The following MDGA2 variants were observed in gnomAD, a reference collection of about 807,000 sequenced individuals.
MDGA2 encodes the protein MAM domain-containing glycosylphosphatidylinositol anchor protein 2.
Under a neutral mutation model 117.8 loss-of-function variants are expected in MDGA2, and 40 were observed. That is an observed-to-expected ratio of 0.34 (90% CI 0.26 to 0.44). The LOEUF (loss-of-function observed/expected upper bound fraction) is 0.44. Among genes scored for constraint, MDGA2 ranks in the 20% least tolerant of loss-of-function variants. The pLI, the probability that MDGA2 is intolerant of heterozygous loss-of-function variation, is 1.00. For synonymous variants in MDGA2, 452 were observed against 439.0 expected (o/e 1.03, Z -0.37); for missense variants, 1,123 against 1,250.6 (o/e 0.90, Z 1.54).
chr14:46,867,431 T>C (rs1881818139), intron 14 of MDGA2, among the ~76,000 whole-genome samples: 1 of 152,004 alleles, frequency 6.6e-6, no homozygotes, highest in Non-Finnish European at 1.5e-5. Context: ...CTGGGAGATA[T>C]ACCTAATGCT....
intron 1 of MDGA2, among the ~76,000 whole-genome samples, chr14:47,480,543 C>T (rs1031671204): frequency 2.0e-5 from 3 of 151,728 alleles, no homozygotes; most frequent in Non-Finnish European, 4.4e-5. Flanking sequence ...CATATTTTTT[C>T]CTATTAAAAT....
At chr14:47,437,226 G>T (rs7154484) in intron 1 of MDGA2, among the ~76,000 whole-genome samples, 37,114 of 151,888 alleles carry the variant, frequency 0.24, 4,821 homozygotes, top group Middle Eastern at 0.41. Context: ...TGGACAACTA[G>T]CATTCAGATT....
intron 3 of MDGA2, chr14:47,200,696 G>T: frequency 2.1e-6 from 2 of 972,836 alleles, no homozygotes; most frequent in East Asian, 2.5e-5. Flanking sequence ...CTGGATCTTG[G>T]CCTTCTCCTT....
intron 2 of MDGA2, among the ~76,000 whole-genome samples, chr14:47,291,788 G>A (rs968489205): frequency 6.6e-6 from 1 of 152,136 alleles, no homozygotes; most frequent in African/African-American, 2.4e-5. Context: ...TATGACTTTT[G>A]CACCATTGTA....
chr14:46,903,424 T>C (rs1208421983), intron 10 of MDGA2, among the ~76,000 whole-genome samples: 2 of 152,222 alleles, frequency 1.3e-5, no homozygotes, highest in African/African-American at 4.8e-5. Context: ...GTTACTTATA[T>C]ACCTTGACTT....
At chr14:47,371,332 CTACT>C (rs1891354380) in intron 1 of MDGA2, among the ~76,000 whole-genome samples, 1 of 151,738 alleles carries the variant, frequency 6.6e-6, no homozygotes. Flanking sequence ...ACCTAAAGTA[CTACT>C]TAAAGTCTCA....
chr14:47,557,274 A>T (rs1895702517), intron 1 of MDGA2, among the ~76,000 whole-genome samples: 1 of 152,206 alleles, frequency 6.6e-6, no homozygotes, highest in Non-Finnish European at 1.5e-5. Flanking sequence ...TGGAAGTAAA[A>T]TTTACAGAAC....
At chr14:47,005,013 A>T (rs182751299) in intron 8 of MDGA2, among the ~76,000 whole-genome samples, 67 of 151,710 alleles carry the variant, frequency 4.4e-4, no homozygotes, top group Admixed American at 1.3e-3. Context: ...TGTAGATTCC[A>T]TTGTATTATT....
intron 8 of MDGA2, among the ~76,000 whole-genome samples, chr14:46,973,315 G>C (rs1184639526): frequency 6.6e-6 from 1 of 152,132 alleles, no homozygotes; most frequent in Non-Finnish European, 1.5e-5. Flanking sequence ...CAACCAACAT[G>C]ACAGTGCAGT....
At chr14:47,597,634 A>G (rs1365234629) in intron 1 of MDGA2, among the ~76,000 whole-genome samples, 1 of 152,118 alleles carries the variant, frequency 6.6e-6, no homozygotes, top group Non-Finnish European at 1.5e-5. Flanking sequence ...TGACAAGTTT[A>G]TAGTCATTTG....
At position 47,378,325 on chromosome 14, in the gene MDGA2, C is replaced by T. The variant is rs147167829; in HGVS notation, c.281-76775G>A. On this transcript the variant is annotated intron_variant, in intron 1 of 16. Transcript: ENST00000399232. The stretch of plus-strand genomic sequence containing the variant: ...CCTCTTCTTCTCCAAAGGAACGCAG[C>T]TCCTTGCCAGCAATGGAACAAAGCT... Among the ~76,000 whole-genome samples the T allele has an allele frequency of 1.3e-4, 20 of 152,290 alleles. No homozygotes were observed. In the East Asian group the frequency reaches 2.3e-3, roughly 18 times the overall value.
rs1490608252 is a variant in MDGA2, at chr14:47,305,863, G to A, written c.281-4313C>T. On this transcript the variant is annotated intron_variant, in intron 1 of 16. Coordinates refer to ENST00000399232, the MANE Select transcript of MDGA2 (RefSeq NM_001113498.3). ...AAGCAGACGATAGCTAAATCTGCCT[G>A]GGGGAGTCTAACAAGTTTCGCAAAG... 2.0e-5 allele frequency among the ~76,000 whole-genome samples: 3 copies of A among 152,152 alleles called. No individual in the cohort carries two copies. In the East Asian group the frequency reaches 5.8e-4, roughly 29 times the overall value.
chr14:47,297,835 T>G (rs1889129782), intron 2 of MDGA2, among the ~76,000 whole-genome samples: 1 of 152,146 alleles, frequency 6.6e-6, no homozygotes, highest in Non-Finnish European at 1.5e-5. Flanking sequence ...CTAAAACCAT[T>G]TTTAAAATCT....
chr14:46,882,057 C>T lies in MDGA2; in HGVS notation c.2403G>A (p.Val801=), dbSNP rs1247380797. Residue 801 remains valine (V), a synonymous_variant, in exon 11 of 17, where the codon GTG becomes GTA. Coordinates refer to ENST00000399232, the MANE Select transcript of MDGA2 (RefSeq NM_001113498.3). ...KFGEGDSTIR[V]IKYSAPVNPH... The stretch of plus-strand genomic sequence containing the variant: ...AAGGCTACTTACCACTATATTTGAT[C>T]ACACGAATTGTTGAATCTCCTTCAC... The T allele has an allele frequency of 6.2e-7, 1 of 1,602,818 alleles. No individual in the cohort carries two copies. The highest frequency in any genetic ancestry group is 8.5e-7 in the Non-Finnish European group (1 of 1,173,686).
chr14:47,403,987 C>A (rs1224528225), intron 1 of MDGA2, among the ~76,000 whole-genome samples: 1 of 152,060 alleles, frequency 6.6e-6, no homozygotes, highest in African/African-American at 2.4e-5. Context: ...GCACAATTGT[C>A]CACTCTTCAT....
intron 1 of MDGA2, among the ~76,000 whole-genome samples, chr14:47,628,239 T>G (rs895314884): frequency 6.6e-6 from 1 of 152,348 alleles, no homozygotes; most frequent in Admixed American, 6.5e-5. Flanking sequence ...AAATTGCTCT[T>G]GCATGGCATA....
chr14:47,122,160 T>G (rs901067020), intron 5 of MDGA2, among the ~76,000 whole-genome samples: 1 of 152,042 alleles, frequency 6.6e-6, no homozygotes, highest in Non-Finnish European at 1.5e-5. Flanking sequence ...CATCATTATG[T>G]TACCTACCCT....
intron 9 of MDGA2, among the ~76,000 whole-genome samples, chr14:46,934,892 A>C (rs181960578): frequency 4.2e-4 from 64 of 152,246 alleles, no homozygotes; most frequent in Non-Finnish European, 7.4e-4. Flanking sequence ...CAAAATAGCT[A>C]TGACATGCTG....
intron 1 of MDGA2, among the ~76,000 whole-genome samples, chr14:47,476,199 A>G (rs1009300860): frequency 6.6e-6 from 1 of 152,228 alleles, no homozygotes; most frequent in Admixed American, 6.5e-5. Flanking sequence ...TGTGAAATCT[A>G]GTGTTGGACA....
Sources: gnomAD v4.1 joint callset for allele counts (sites outside exome capture counted in the v4.1 genomes callset) on GRCh38, gnomAD v4.1.1 for gene constraint, MANE v1.5 for transcripts, NCBI Gene and HGNC (gene_info 2026-07-23, HGNC 2026-07-21) for gene names.